The following SYTL1 variants were observed in gnomAD, a reference collection of about 807,000 sequenced individuals.
SYTL1 encodes synaptotagmin like 1, also known as synaptotagmin-like protein 1.
In SYTL1, 53 loss-of-function variants were observed where a neutral mutation model predicts 74.6. The ratio of observed to expected loss-of-function variants is 0.71; its 90% CI spans 0.57 to 0.89. The LOEUF (loss-of-function observed/expected upper bound fraction) is 0.89. Among genes scored for constraint, SYTL1 ranks in the 40% least tolerant of loss-of-function variants. The pLI is 0.00. For missense variants in SYTL1, 728 were observed against 768.7 expected (o/e 0.95, Z 0.63); for synonymous variants, 329 against 324.9 (o/e 1.01, Z -0.14).
chr1:27,345,926 ACATGCCAC>A lies in SYTL1; in HGVS notation c.191+408_191+415del, dbSNP rs1193308068. On this transcript the variant is annotated intron_variant, in intron 2 of 14. Transcript: ENST00000616558. The surrounding 1 kb of genome is among the most constrained non-coding windows in gnomAD (Gnocchi z 6.0). ...CTCCCAAATAGCTGGGATTATAGGC[ACATGCCAC>A]CATGCCCAGCTAATTTTTGTATTTT... is the stretch of plus-strand genomic sequence containing the variant. Among the ~76,000 whole-genome samples the A allele has an allele frequency of 6.6e-6, 1 of 152,082 alleles. No homozygotes were observed. Among genetic ancestry groups the A allele is most frequent in the Non-Finnish European group, 1.5e-5 (1 of 68,018 alleles).
At position 27,353,313 on chromosome 1, in the gene SYTL1, C is replaced by T. The variant is rs374495587; in HGVS notation, c.1374C>T (p.Ser458=). ...CFVLPDDSQA[S]RQRTRVVRRS... is the part of the protein sequence containing the mutation. Reference sequence around the variant, plus strand: ...TGCTGCCTGATGACAGCCAGGCCAGCCGCCAGCGTACAAGGGTTGTGCGAC... The same window carrying T: ...TGCTGCCTGATGACAGCCAGGCCAGTCGCCAGCGTACAAGGGTTGTGCGAC... The change falls in exon 14 of 15, where the codon AGC becomes AGT. Residue 458 remains serine (S), a synonymous_variant. Transcript: ENST00000616558. The T allele has an allele frequency of 6.2e-7, 1 of 1,603,838 alleles. No homozygotes were observed.
Position 27,351,927 on chromosome 1 carries a change from A to C in SYTL1, c.1343+372A>C. 1.1e-5 allele frequency: 2 copies of C among 188,784 alleles called. No homozygotes were observed. Among genetic ancestry groups the C allele is most frequent in the Non-Finnish European group, 2.2e-5 (2 of 92,802 alleles). The allele number at this position is 188,784 out of a possible 1,614,324, so 11.7% of individuals were successfully genotyped here. A position where few individuals can be genotyped will look rare whatever the true frequency, so the allele number is the denominator to read the frequency against. ...GCTGCCCCCACTGTTAGAGAGTGAA[A>C]TGGAGGTGGGCGGGTCACTTCTGGG... On this transcript the variant is annotated intron_variant, in intron 13 of 14. Coordinates refer to ENST00000616558, the MANE Select transcript of SYTL1 (RefSeq NM_001193308.2). This position sits in a 1 kb window ranked among gnomAD's most constrained non-coding sequence, Gnocchi z 5.0.
rs775957415 is a variant in SYTL1 at position 27,353,859 on chromosome 1, C to A, written c.*7C>A. ...CCTGGCCCCCAGGACGTAGCCCCAC[C>A]AAGCCTCTCTCTCTGGACCCCCATC... On this transcript the variant is annotated 3_prime_UTR_variant, in exon 15 of 15. Transcript: ENST00000616558. 38 of 1,610,928 alleles carry A rather than the reference C, an allele frequency of 2.4e-5. No homozygotes were observed. The East Asian group carries it at 8.3e-4, about 35-fold the overall frequency.
chr1:27,351,625 C>T lies in SYTL1; in HGVS notation c.1343+70C>T. ...GTGGAGTGCCCAACCTCCACAAACC[C>T]TTACTAATCAACCTTTGATCACGCA... On this transcript the variant is annotated intron_variant, in intron 13 of 14. Transcript: ENST00000616558. This position sits in a 1 kb window ranked among gnomAD's most constrained non-coding sequence, Gnocchi z 5.0. The T allele has an allele frequency of 9.9e-7, 1 of 1,014,530 alleles. No homozygotes were observed. The highest frequency in any genetic ancestry group is 1.7e-5 in the South Asian group (1 of 60,276). The allele number at this position is 1,014,530 out of a possible 1,614,324, so 62.8% of individuals were successfully genotyped here. A position where few individuals can be genotyped will look rare whatever the true frequency, so the allele number is the denominator to read the frequency against.
At position 27,350,682 on chromosome 1, in the gene SYTL1, TC is replaced by T; in HGVS notation, c.1006-108del. On this transcript the variant is annotated intron_variant, in intron 10 of 14. Coordinates refer to ENST00000616558, the MANE Select transcript of SYTL1 (RefSeq NM_001193308.2). This position sits in a 1 kb window ranked among gnomAD's most constrained non-coding sequence, Gnocchi z 6.3. ...GGTCCCCATTAATGCCCTTAGGGGC[TC>T]CCCAGAATTCCATCATGGTAGGAAC... 4 of 1,343,054 alleles carry T rather than the reference TC, an allele frequency of 3.0e-6. No homozygotes were observed. Among genetic ancestry groups the T allele is most frequent in the Non-Finnish European group, 4.1e-6 (4 of 971,434 alleles). The allele number at this position is 1,343,054 out of a possible 1,614,324, so 83.2% of individuals were successfully genotyped here.
rs1490008367 is a variant in SYTL1, at chr1:27,345,475, C to T, written c.141C>T (p.Gly47=). ...LTEEEQEAIA[G]VLQRDARLRQ... The stretch of plus-strand genomic sequence containing the variant: ...AGGAGGAGCAGGAGGCCATTGCTGG[C>T]GTCCTCCAACGAGATGCCCGCCTGC... The change falls in exon 2 of 15, where the codon GGC becomes GGT. Residue 47 remains glycine (G), a synonymous_variant. Coordinates refer to ENST00000616558, the MANE Select transcript of SYTL1 (RefSeq NM_001193308.2). This position sits in a 1 kb window ranked among gnomAD's most constrained non-coding sequence, Gnocchi z 6.0. The T allele has an allele frequency of 2.1e-5, 32 of 1,560,036 alleles. No individual in the cohort carries two copies. Among genetic ancestry groups the T allele is most frequent in the East Asian group, 4.7e-5 (2 of 42,474 alleles).
chr1:27,347,970 C>G lies in SYTL1; in HGVS notation c.417C>G (p.Leu139=), dbSNP rs768537098. ...AGCGTCCTCTCCCTACTCCTAGGCT[C>G]ACCATTGATGAGGCCCCTCAGGAGA... ...KEKEEGPEPR[L]TIDEAPQERL... The change falls in exon 5 of 15, where the codon CTC becomes CTG. Residue 139 remains leucine (L), a synonymous_variant. Transcript: ENST00000616558. The surrounding 1 kb of genome is among the most constrained non-coding windows in gnomAD (Gnocchi z 4.9). 9.3e-6 allele frequency: 15 copies of G among 1,614,190 alleles called. No homozygotes were observed. The highest frequency in any genetic ancestry group is 1.3e-5 in the African/African-American group (1 of 75,052).
intron 8 of SYTL1, 22 bp downstream of exon 8, chr1:27,349,787 C>A: frequency 6.4e-7 from 1 of 1,573,028 alleles, no homozygotes; most frequent in Admixed American, 1.8e-5. Flanking sequence ...GGGAGGGGAC[C>A]CGGGCGGCCG....
At position 27,342,507 on chromosome 1, in the gene SYTL1, C is replaced by T. The variant is rs756707775; in HGVS notation, c.-39+357C>T. ...GGCTCAGTTCTGCCGAACGTCCCCC[C>T]GGCCTCCATCCACACTCAGACACAC... On this transcript the variant is annotated intron_variant, in intron 1 of 14. Transcript: ENST00000616558. The surrounding 1 kb of genome is among the most constrained non-coding windows in gnomAD (Gnocchi z 4.7). The T allele has an allele frequency of 3.5e-5, 7 of 198,480 alleles. No homozygotes were observed. Among genetic ancestry groups the T allele is most frequent in the African/African-American group, 4.7e-5 (2 of 42,242 alleles). 12.3% of individuals were successfully genotyped at this position (198,480 alleles called of 1,614,324 possible).
At chr1:27,349,177 G>A (rs1235503662) in intron 6 of SYTL1, 25 bp downstream of exon 6, 3 of 1,608,252 alleles carry the variant, frequency 1.9e-6, no homozygotes, top group Non-Finnish European at 2.6e-6. Context: ...CTGTTGGGGA[G>A]CACGGAGAGG....
rs565362110 is a variant in SYTL1 at position 27,347,702 on chromosome 1, G to A, written c.341-106G>A. On this transcript the variant is annotated intron_variant, in intron 3 of 14. Coordinates refer to ENST00000616558, the MANE Select transcript of SYTL1 (RefSeq NM_001193308.2). The surrounding 1 kb of genome is among the most constrained non-coding windows in gnomAD (Gnocchi z 4.9). ...TACTGTGTGTCTTTCAGTGGGCAAT[G>A]CCCCTCCGTGGGCATGGGGTGGGTG... 1.1e-4 allele frequency: 101 copies of A among 926,110 alleles called. No individual in the cohort carries two copies. The South Asian group carries it at 1.4e-3, about 13-fold the overall frequency. The allele number at this position is 926,110 out of a possible 1,614,324, so 57.4% of individuals were successfully genotyped here.
At position 27,347,662 on chromosome 1, in the gene SYTL1, C is replaced by A; in HGVS notation, c.340+93C>A. 1 of 1,539,956 alleles carries A rather than the reference C, an allele frequency of 6.5e-7. No individual in the cohort carries two copies. Among genetic ancestry groups the A allele is most frequent in the Non-Finnish European group, 8.8e-7 (1 of 1,133,634 alleles). On this transcript the variant is annotated intron_variant, in intron 3 of 14. Transcript: ENST00000616558. This position sits in a 1 kb window ranked among gnomAD's most constrained non-coding sequence, Gnocchi z 4.9. ...GAGAGAGGACCACTAGGGCTCCAGT[C>A]CTGGCTGCCCCCAGTACTGTGTGTC... is the stretch of plus-strand genomic sequence containing the variant.
In SYTL1 at chr1:27,350,526, G is replaced by T. The variant is rs755869557; in HGVS notation, c.1005+41G>T. Reference sequence around the variant, plus strand: ...CGATGCGGTTCCCCGTTAATGAACTGGACGCCCCCTTCCTGCGGGGCTAGG... The same window carrying T: ...CGATGCGGTTCCCCGTTAATGAACTTGACGCCCCCTTCCTGCGGGGCTAGG... On this transcript the variant is annotated intron_variant, in intron 10 of 14. Transcript: ENST00000616558. The surrounding 1 kb of genome is among the most constrained non-coding windows in gnomAD (Gnocchi z 6.3). 1.3e-6 allele frequency: 2 copies of T among 1,530,942 alleles called. No homozygotes were observed. Among genetic ancestry groups the T allele is most frequent in the East Asian group, 2.3e-5 (1 of 44,358 alleles). 94.8% of individuals were successfully genotyped at this position (1,530,942 alleles called of 1,614,324 possible). A position where few individuals can be genotyped will look rare whatever the true frequency, so the allele number is the denominator to read the frequency against.
Position 27,350,501 on chromosome 1 carries a change from C to G in SYTL1, c.1005+16C>G. On this transcript the variant is annotated intron_variant, in intron 10 of 14. Coordinates refer to ENST00000616558, the MANE Select transcript of SYTL1 (RefSeq NM_001193308.2). This position sits in a 1 kb window ranked among gnomAD's most constrained non-coding sequence, Gnocchi z 6.3. ...GACTCTCCGGGTGAGGCTGTGACCA[C>G]GATGCGGTTCCCCGTTAATGAACTG... 6.3e-7 allele frequency: 1 copy of G among 1,597,050 alleles called. No homozygotes were observed. The highest frequency in any genetic ancestry group is 8.6e-7 in the Non-Finnish European group (1 of 1,166,866).
In SYTL1 at chr1:27,348,059, G is replaced by A. The variant is rs1156635604; in HGVS notation, c.459+47G>A. 1.3e-6 allele frequency: 2 copies of A among 1,592,764 alleles called. No homozygotes were observed. Among genetic ancestry groups the A allele is most frequent in the Non-Finnish European group, 1.7e-6 (2 of 1,160,716 alleles). On this transcript the variant is annotated intron_variant, in intron 5 of 14. Coordinates refer to ENST00000616558, the MANE Select transcript of SYTL1 (RefSeq NM_001193308.2). The surrounding 1 kb of genome is among the most constrained non-coding windows in gnomAD (Gnocchi z 4.1). Reference sequence around the variant, plus strand: ...TGAGTACAGTGTCCCTGGAGGGGAGGTGGAATGTGCAGGGGGCAGGGGGGA... The same window carrying A: ...TGAGTACAGTGTCCCTGGAGGGGAGATGGAATGTGCAGGGGGCAGGGGGGA...
intron 13 of SYTL1, 108 bp from the exon 14 acceptor site, chr1:27,353,175 A>G: frequency 8.7e-7 from 1 of 1,152,656 alleles, no homozygotes; most frequent in Non-Finnish European, 1.2e-6. Flanking sequence ...GGCAGGCAGG[A>G]GCCAGGGGAC....
intron 6 of SYTL1, 100 bp from the exon 7 acceptor site, chr1:27,349,298 G>A (rs550994648): frequency 1.4e-6 from 2 of 1,456,496 alleles, no homozygotes; most frequent in East Asian, 2.5e-5. Flanking sequence ...CAGCACCGGG[G>A]CCTGAATCTG....
rs983763476 is a variant in SYTL1, at chr1:27,350,642, C to A, written c.1006-152C>A. 1 of 1,059,208 alleles carries A rather than the reference C, an allele frequency of 9.4e-7. No homozygotes were observed. Among genetic ancestry groups the A allele is most frequent in the African/African-American group, 1.6e-5 (1 of 63,472 alleles). 65.6% of individuals were successfully genotyped at this position (1,059,208 alleles called of 1,614,324 possible). A position where few individuals can be genotyped will look rare whatever the true frequency, so the allele number is the denominator to read the frequency against. Reference sequence around the variant, plus strand: ...CCAGTGTTGTCAGCCTCGTGGTGGGCGTGGTGATAGTGCAGGTCCCCATTA... The same window carrying A: ...CCAGTGTTGTCAGCCTCGTGGTGGGAGTGGTGATAGTGCAGGTCCCCATTA... On this transcript the variant is annotated intron_variant, in intron 10 of 14. Coordinates refer to ENST00000616558, the MANE Select transcript of SYTL1 (RefSeq NM_001193308.2). This position sits in a 1 kb window ranked among gnomAD's most constrained non-coding sequence, Gnocchi z 6.3.
In SYTL1 at chr1:27,351,547, C is replaced by G. The variant is rs1390161243; in HGVS notation, c.1335C>G (p.Tyr445Ter). 2.6e-6 allele frequency: 4 copies of G among 1,541,520 alleles called. No homozygotes were observed. In the African/African-American group the frequency reaches 4.1e-5, roughly 16 times the overall value. ...LPLRAGSLDT[Y>*]VQCFVLPDDS... ...TGCGGGCAGGATCCCTGGACACTTACGTACAATGGTGAGGAGTGCTGGCCC... is the reference window on the plus strand; with the variant it reads ...TGCGGGCAGGATCCCTGGACACTTAGGTACAATGGTGAGGAGTGCTGGCCC... The change falls in exon 13 of 15, where the codon TAC becomes TAG. Residue 445 changes from tyrosine to a stop codon, truncating the protein, a stop_gained. Transcript: ENST00000616558. LOFTEE classifies it high-confidence loss of function. The surrounding 1 kb of genome is among the most constrained non-coding windows in gnomAD (Gnocchi z 5.0).
Sources: gnomAD v4.1 joint callset for allele counts (sites outside exome capture counted in the v4.1 genomes callset) on GRCh38, gnomAD v4.1.1 for gene constraint, Gnocchi (gnomAD v3.1) non-coding constraint, MANE v1.5 for transcripts, NCBI Gene and HGNC (gene_info 2026-07-23, HGNC 2026-07-21) for gene names.